Variants in PLD5 observed in about 807,000 individuals in gnomAD.
PLD5 encodes inactive phospholipase D5.
PLD5 carries 36 observed loss-of-function variants against 61.1 expected under a neutral mutation model. That is an observed-to-expected ratio of 0.59 (90% confidence interval 0.45 to 0.78). The LOEUF is 0.78. PLD5 is among the 30% of genes least tolerant of loss of function. The pLI is 0.00. For missense variants in PLD5, 515 were observed against 644.4 expected, an observed-to-expected ratio of 0.80 and a Z score of 2.17; for synonymous variants, 243 against 242.8, an observed-to-expected ratio of 1.00 and a Z score of -0.01.
intron 1 of PLD5, among the ~76,000 whole-genome samples, chr1:242,467,377 A>T (rs1047223043): frequency 6.6e-6 from 1 of 152,200 alleles, no homozygotes; most frequent in African/African-American, 2.4e-5. Context: ...GGTAGTGGTT[A>T]TAGTAGTCTG....
chr1:242,322,899 T>C (rs553537574), intron 2 of PLD5, among the ~76,000 whole-genome samples: 1 of 152,320 alleles, frequency 6.6e-6, no homozygotes, highest in African/African-American at 2.4e-5. Context: ...TGTATATATA[T>C]GTGTGTATGT....
chr1:242,279,685 C>A (rs926181967), intron 3 of PLD5, among the ~76,000 whole-genome samples: 3 of 152,084 alleles, frequency 2.0e-5, no homozygotes, highest in African/African-American at 7.2e-5. Flanking sequence ...AGGCGCCTGC[C>A]ACCACACCCA....
chr1:242,154,692 G>T (rs1665216420), intron 5 of PLD5, among the ~76,000 whole-genome samples: 1 of 152,132 alleles, frequency 6.6e-6, no homozygotes, highest in Admixed American at 6.6e-5. Context: ...CAGGGATGAA[G>T]CTCACTTGGT....
intron 1 of PLD5, among the ~76,000 whole-genome samples, chr1:242,428,412 T>C (rs1665545525): frequency 6.6e-6 from 1 of 152,184 alleles, no homozygotes. Context: ...AAAACAGAAA[T>C]TGTTTTACTA....
chr1:242,313,240 TAATCAC>T (rs1676810232), intron 2 of PLD5, among the ~76,000 whole-genome samples: 1 of 152,238 alleles, frequency 6.6e-6, no homozygotes, highest in South Asian at 2.1e-4. Flanking sequence ...AATTATGCTT[TAATCAC>T]AAACTTTTCC....
Position 242,089,256 on chromosome 1 carries a change from AT to A in PLD5, c.*597del, listed in dbSNP as rs1659628019. 1 of 398,934 alleles carries A rather than the reference AT, an allele frequency of 2.5e-6. No individual in the cohort carries two copies. Among genetic ancestry groups the A allele is most frequent in the East Asian group, 3.6e-5 (1 of 28,048 alleles). The allele number at this position is 398,934 out of a possible 1,614,324, so 24.7% of individuals were successfully genotyped here. The stretch of plus-strand genomic sequence containing the variant: ...ACAGAAAATGCTATATAATAGGAAC[AT>A]TTTGTGAGAAGAGAAAATGATACCA... On this transcript the variant is annotated 3_prime_UTR_variant, in exon 10 of 10. Transcript: ENST00000536534.
intron 1 of PLD5, among the ~76,000 whole-genome samples, chr1:242,350,040 C>T (rs1160933708): frequency 6.6e-6 from 1 of 151,526 alleles, no homozygotes; most frequent in Non-Finnish European, 1.5e-5. Flanking sequence ...CATAGTGAGA[C>T]TTTGTCTCTA....
At chr1:242,345,999 T>C (rs1226872861) in intron 2 of PLD5, among the ~76,000 whole-genome samples, 1 of 144,552 alleles carries the variant, frequency 6.9e-6, no homozygotes. Flanking sequence ...GTGATGTATG[T>C]TTCAGAAAAG....
chr1:242,343,831 G>A (rs1659978711), intron 2 of PLD5, among the ~76,000 whole-genome samples: 1 of 152,106 alleles, frequency 6.6e-6, no homozygotes, highest in Non-Finnish European at 1.5e-5. Flanking sequence ...GAAGCATGGT[G>A]GTATGCTAGT....
intron 8 of PLD5, among the ~76,000 whole-genome samples, chr1:242,102,066 A>C (rs973777008): frequency 1.2e-4 from 19 of 152,166 alleles, no homozygotes; most frequent in African/African-American, 4.6e-4. Context: ...TGACTTAATA[A>C]CCTGTGAATG....
At chr1:242,402,404 A>C (rs10926725) in intron 1 of PLD5, among the ~76,000 whole-genome samples, 13,329 of 152,242 alleles carry the variant, frequency 0.088, 681 homozygotes, top group Middle Eastern at 0.19. Flanking sequence ...GGAAAAATAA[A>C]GAGTTATAAG....
chr1:242,408,105 T>A (rs1664346400), intron 1 of PLD5, among the ~76,000 whole-genome samples: 1 of 152,184 alleles, frequency 6.6e-6, no homozygotes, highest in African/African-American at 2.4e-5. Flanking sequence ...GACTAACTTA[T>A]CCTATGAATG....
rs114594944 is a variant in PLD5 at position 242,427,067 on chromosome 1, C to G, written c.190-78825G>C. Among the ~76,000 whole-genome samples, 843 of 152,318 alleles carry G rather than the reference C, an allele frequency of 5.5e-3. 11 individuals are homozygous for G. The highest frequency in any genetic ancestry group is 0.019 in the African/African-American group (801 of 41,556). ...TGAATCACCACTTAGAGAAAAGCCACTTTCCAATCAAGAAAACTCATCTCA... is the reference window on the plus strand; with the variant it reads ...TGAATCACCACTTAGAGAAAAGCCAGTTTCCAATCAAGAAAACTCATCTCA... On this transcript the variant is annotated intron_variant, in intron 1 of 9. Transcript: ENST00000536534.
intron 6 of PLD5, among the ~76,000 whole-genome samples, chr1:242,118,404 A>C (rs1662113617): frequency 1.3e-5 from 2 of 152,308 alleles, no homozygotes; most frequent in South Asian, 4.2e-4. Context: ...AGTGACCAAG[A>C]CAAGATCCCT....
chr1:242,470,371 AAAG>A (rs1558589769), intron 1 of PLD5, among the ~76,000 whole-genome samples: 65 of 75,020 alleles, frequency 8.7e-4, no homozygotes, highest in African/African-American at 3.3e-3. Context: ...AGAAAGAAAG[AAAG>A]AAAGAAAAAA....
intron 1 of PLD5, among the ~76,000 whole-genome samples, chr1:242,478,322 GA>G (rs1667662889): frequency 6.6e-6 from 1 of 152,128 alleles, no homozygotes; most frequent in African/African-American, 2.4e-5. Context: ...CTTACTTGGA[GA>G]GCAGCATGCA....
chr1:242,374,313 G>A (rs1045660575), intron 1 of PLD5, among the ~76,000 whole-genome samples: 4 of 152,148 alleles, frequency 2.6e-5, no homozygotes, highest in South Asian at 2.1e-4. Flanking sequence ...TTACATATGC[G>A]TTCTTCCTCT....
chr1:242,449,011 G>A (rs1666670257), intron 1 of PLD5, among the ~76,000 whole-genome samples: 1 of 152,172 alleles, frequency 6.6e-6, no homozygotes, highest in South Asian at 2.1e-4. Context: ...AGAATCTCAT[G>A]GAAATTACAG....
At chr1:242,353,957 A>G (rs996829012) in intron 1 of PLD5, among the ~76,000 whole-genome samples, 4 of 150,962 alleles carry the variant, frequency 2.6e-5, no homozygotes, top group Admixed American at 1.3e-4. Flanking sequence ...TGTTGATTTC[A>G]TATCCTGTAA....
Sources: allele counts gnomAD v4.1 joint callset (sites outside exome capture counted in the v4.1 genomes callset), GRCh38; gene constraint gnomAD v4.1.1; transcripts MANE v1.5; gene names NCBI Gene and HGNC (gene_info 2026-07-23, HGNC 2026-07-21).